Variants in SRPK2 observed in about 807,000 individuals in gnomAD.
SRPK2 encodes SRSF protein kinase 2, also known as SFRS protein kinase 2.
SRPK2 carries 21 observed loss-of-function variants against 90.8 expected under a neutral mutation model. The observed-to-expected ratio is 0.23, with a 90% CI of 0.16 to 0.33. The LOEUF is 0.33. Ranked by LOEUF, SRPK2 falls within the 10% of genes least tolerant of loss-of-function variation. SRPK2 has a pLI of 1.00. For synonymous variants in SRPK2, 288 were observed against 311.1 expected, an observed-to-expected ratio of 0.93 and a Z score of 0.78; for missense variants, 620 against 869.0, an observed-to-expected ratio of 0.71 and a Z score of 3.60.
At chr7:105,223,164 C>T (rs1290067985) in intron 2 of SRPK2, among the ~76,000 whole-genome samples, 1 of 152,192 alleles carries the variant, frequency 6.6e-6, no homozygotes, top group Non-Finnish European at 1.5e-5. Context: ...TCCATTTGTC[C>T]AGACCGGGCT....
At chr7:105,260,795 ACAC>A (rs1054900283) in intron 2 of SRPK2, among the ~76,000 whole-genome samples, 2 of 150,394 alleles carry the variant, frequency 1.3e-5, no homozygotes, top group Non-Finnish European at 3.0e-5. Context: ...AGAAAACCAA[ACAC>A]CACATGTTCT....
chr7:105,205,092 C>G lies in SRPK2; in HGVS notation c.72-1307G>C, dbSNP rs144076237. ...CTAAGAGACAGGCCAAAGGAGCTGC[C>G]TCAACCACTGCCTCTTCTAAACTGG... On this transcript the variant is annotated intron_variant, in intron 2 of 15. Coordinates refer to ENST00000393651, the MANE Select transcript of SRPK2 (RefSeq NM_182692.3). Among the ~76,000 whole-genome samples, 202 of 152,262 alleles carry G rather than the reference C, an allele frequency of 1.3e-3. 1 individual carries two copies. Among genetic ancestry groups the G allele is most frequent in the African/African-American group, 4.5e-3 (186 of 41,554 alleles).
Position 105,291,355 on chromosome 7 carries a change from T to C in SRPK2, c.72-87570A>G, listed in dbSNP as rs542835056. Among the ~76,000 whole-genome samples, 229 of 152,264 alleles carry C rather than the reference T, an allele frequency of 1.5e-3. 2 individuals are homozygous for C. Among genetic ancestry groups the C allele is most frequent in the African/African-American group, 5.3e-3 (219 of 41,534 alleles). ...CTTTTTCCTTATTCTAAAGCCTAAC[T>C]CTGTCTGACATTTGGACTGAGACTA... On this transcript the variant is annotated intron_variant, in intron 2 of 15. Coordinates refer to ENST00000393651, the MANE Select transcript of SRPK2 (RefSeq NM_182692.3).
intron 3 of SRPK2, among the ~76,000 whole-genome samples, chr7:105,184,123 G>A (rs1434142066): frequency 6.6e-6 from 1 of 151,592 alleles, no homozygotes; most frequent in Non-Finnish European, 1.5e-5. Flanking sequence ...GTACAGGAAT[G>A]TGCCACCACA....
intron 2 of SRPK2, among the ~76,000 whole-genome samples, chr7:105,254,592 T>C (rs751740659): frequency 1.3e-5 from 2 of 152,236 alleles, no homozygotes; most frequent in African/African-American, 4.8e-5. Context: ...AAATGCCAGT[T>C]TGAAAATCAT....
intron 2 of SRPK2, among the ~76,000 whole-genome samples, chr7:105,295,253 A>G (rs998365794): frequency 6.6e-6 from 1 of 151,712 alleles, no homozygotes; most frequent in African/African-American, 2.4e-5. Context: ...TTAATATTTA[A>G]TATTTAATCT....
intron 15 of SRPK2, among the ~76,000 whole-genome samples, chr7:105,120,982 G>C (rs969072522): frequency 1.2e-4 from 18 of 152,164 alleles, no homozygotes; most frequent in African/African-American, 4.1e-4. Flanking sequence ...AAGAATAAGA[G>C]GGGAAAGCAT....
upstream of SRPK2, among the ~76,000 whole-genome samples, chr7:105,393,263 T>C (rs976790062): frequency 6.7e-6 from 1 of 150,112 alleles, no homozygotes; most frequent in African/African-American, 2.5e-5. Context: ...CCCAAAGTGT[T>C]GGGATTGCAG....
chr7:105,183,811 G>A (rs1793211096), intron 3 of SRPK2, among the ~76,000 whole-genome samples: 1 of 152,052 alleles, frequency 6.6e-6, no homozygotes, highest in Non-Finnish European at 1.5e-5. Flanking sequence ...AAGAGGCCAT[G>A]TCTAGAGATT....
intron 2 of SRPK2, among the ~76,000 whole-genome samples, chr7:105,339,042 A>G (rs568391672): frequency 2.3e-3 from 352 of 152,254 alleles, no homozygotes; most frequent in Non-Finnish European, 3.7e-3. Context: ...TATTAAAACT[A>G]ATTTTTTCAA....
intron 11 of SRPK2, among the ~76,000 whole-genome samples, chr7:105,141,639 A>T (rs988033406): frequency 1.3e-5 from 2 of 152,228 alleles, no homozygotes; most frequent in East Asian, 1.9e-4. Flanking sequence ...GAAACAAAAC[A>T]AAACTAAACT....
In SRPK2 at chr7:105,170,905, AAGAAAGAAAGGAG is replaced by A. The variant is rs1563025951; in HGVS notation, c.230-1653_230-1641del. Among the ~76,000 whole-genome samples the A allele has an allele frequency of 1.2e-3, 151 of 125,538 alleles. 2 individuals are homozygous for A. The highest frequency in any genetic ancestry group is 3.8e-3 in the Middle Eastern group (1 of 262). 82.4% of individuals were successfully genotyped at this position (125,538 alleles called of 152,430 possible). ...AAAGAAAGAAAGAAAGAAAGAAAGA[AAGAAAGAAAGGAG>A]AAAGAAAAAGAAAAAGGAAAGAAAG... On this transcript the variant is annotated intron_variant, in intron 3 of 15. Transcript: ENST00000393651.
chr7:105,215,869 GT>G (rs900717217), intron 2 of SRPK2, among the ~76,000 whole-genome samples: 7 of 152,082 alleles, frequency 4.6e-5, no homozygotes, highest in Admixed American at 2.0e-4. Context: ...AGTGTATGAA[GT>G]TTTTTGGGGG....
chr7:105,133,133 G>C (rs779206914), intron 11 of SRPK2, 29 bp from the exon 12 acceptor site: 3 of 1,607,266 alleles, frequency 1.9e-6, no homozygotes, highest in Non-Finnish European at 2.6e-6. Context: ...AGGACAGTTA[G>C]TGATCGGGAT....
At chr7:105,320,877 G>C (rs1436549664) in intron 2 of SRPK2, among the ~76,000 whole-genome samples, 1 of 152,140 alleles carries the variant, frequency 6.6e-6, no homozygotes, top group Non-Finnish European at 1.5e-5. Context: ...CTGTTGCCCA[G>C]GCTGGAATGG....
At chr7:105,331,323 A>AAAAAAAAAAAAAAAAAAAAAAC (rs1814333069) in intron 2 of SRPK2, among the ~76,000 whole-genome samples, 1 of 131,734 alleles carries the variant, frequency 7.6e-6, no homozygotes, top group Admixed American at 8.1e-5. Flanking sequence ...AAAAAAAAAA[A>AAAAAAAAAAAAAAAAAAAAAAC]AAAAAAAAAA....
intron 2 of SRPK2, among the ~76,000 whole-genome samples, chr7:105,382,896 C>G (rs538489148): frequency 1.3e-5 from 2 of 152,172 alleles, no homozygotes; most frequent in African/African-American, 4.8e-5. Context: ...TAAAATCTTT[C>G]TTGAATTAAT....
chr7:105,299,967 A>T (rs1270759058), intron 2 of SRPK2, among the ~76,000 whole-genome samples: 1 of 152,144 alleles, frequency 6.6e-6, no homozygotes, highest in Non-Finnish European at 1.5e-5. Flanking sequence ...TCCAGTCACA[A>T]GCATATGAAG....
At chr7:105,136,249 G>A (rs373413766) in intron 11 of SRPK2, among the ~76,000 whole-genome samples, 2 of 152,290 alleles carry the variant, frequency 1.3e-5, no homozygotes, top group Non-Finnish European at 1.5e-5. Flanking sequence ...ACAACAGGAG[G>A]TAAAAGAGAT....
Sources: gnomAD v4.1 joint callset for allele counts (sites outside exome capture counted in the v4.1 genomes callset) on GRCh38, gnomAD v4.1.1 for gene constraint, MANE v1.5 for transcripts, NCBI Gene and HGNC (gene_info 2026-07-23, HGNC 2026-07-21) for gene names.